Variants in NHSL2 observed in about 807,000 individuals in gnomAD.
NHSL2 encodes NHS like 2.
Under a neutral mutation model 53.4 loss-of-function variants are expected in NHSL2, and 27 were observed. The observed-to-expected ratio is 0.51, with a 90% CI of 0.37 to 0.70. The LOEUF is 0.70. Among genes scored for constraint, NHSL2 ranks in the 30% least tolerant of loss-of-function variants. The pLI, the probability that NHSL2 is intolerant of heterozygous loss-of-function variation, is 0.00. For missense variants in NHSL2, 892 were observed against 980.1 expected (o/e 0.91, Z 1.20); for synonymous variants, 408 against 404.1 (o/e 1.01, Z -0.12).
At chrX:71,949,281 G>A (rs1302076794) in intron 1 of NHSL2, among the ~76,000 whole-genome samples, 3 of 111,169 alleles carry the variant, frequency 2.7e-5, no homozygotes, top group Non-Finnish European at 5.7e-5. Context: ...TGATAGAGAG[G>A]AACCTGGGCT....
At chrX:72,125,291 A>G (rs1387366190) in intron 1 of NHSL2, among the ~76,000 whole-genome samples, 1 of 111,792 alleles carries the variant, frequency 8.9e-6, no homozygotes, top group Non-Finnish European at 1.9e-5. Flanking sequence ...ACATTAGAGG[A>G]CATCTTCTAG....
chrX:71,958,574 T>C (rs770816697), intron 1 of NHSL2, among the ~76,000 whole-genome samples: 13 of 111,663 alleles, frequency 1.2e-4, no homozygotes, highest in Non-Finnish European at 1.7e-4. Flanking sequence ...AGATTGTTCA[T>C]TGGGCTGCCC....
chrX:71,983,940 C>T (rs923339121), intron 1 of NHSL2, among the ~76,000 whole-genome samples: 2 of 111,059 alleles, frequency 1.8e-5, no homozygotes, highest in African/African-American at 6.6e-5. Context: ...TATCTTGTGC[C>T]GACCCCCTAT....
At chrX:72,080,907 A>T (rs888979342) in intron 1 of NHSL2, among the ~76,000 whole-genome samples, 1 of 111,652 alleles carries the variant, frequency 9.0e-6, no homozygotes, top group Non-Finnish European at 1.9e-5. Context: ...AAGCAAGTAC[A>T]GGGCCCTGTG....
intron 1 of NHSL2, among the ~76,000 whole-genome samples, chrX:71,961,362 C>T (rs1032402268): frequency 9.2e-6 from 1 of 108,873 alleles, no homozygotes; most frequent in Non-Finnish European, 1.9e-5. Flanking sequence ...TGAATTTTTC[C>T]TTCCTTCTGT....
At chrX:72,129,389 T>G (rs755402890) in intron 1 of NHSL2, 45 of 127,043 alleles carry the variant, frequency 3.5e-4, no homozygotes, top group Non-Finnish European at 6.7e-4. Context: ...CCTGTCCTCT[T>G]GCTCATTGGG....
intron 1 of NHSL2, among the ~76,000 whole-genome samples, chrX:71,982,442 C>T (rs752321363): frequency 1.8e-5 from 2 of 111,826 alleles, no homozygotes; most frequent in South Asian, 3.8e-4. Context: ...CTTGGAGTCT[C>T]CAAAGTGATG....
intron 3 of NHSL2, 112 bp downstream of exon 3, chrX:72,134,330 C>A: frequency 1.1e-6 from 1 of 922,846 alleles, no homozygotes; most frequent in Non-Finnish European, 1.5e-6. Flanking sequence ...ACCAGCAGAG[C>A]TACCCTGAGG....
At chrX:71,935,579 C>T (rs1440578261) in intron 1 of NHSL2, among the ~76,000 whole-genome samples, 1 of 112,683 alleles carries the variant, frequency 8.9e-6, no homozygotes, top group African/African-American at 3.2e-5. Context: ...CAGGCGGAGT[C>T]GGTTCTGAGG....
intron 1 of NHSL2, among the ~76,000 whole-genome samples, chrX:71,972,393 T>A (rs1478624885): frequency 8.9e-6 from 1 of 112,598 alleles, no homozygotes; most frequent in Non-Finnish European, 1.9e-5. Flanking sequence ...ACAGTTTGTC[T>A]GTTTGTTTGT....
At chrX:71,963,802 A>C (rs1051653809) in intron 1 of NHSL2, among the ~76,000 whole-genome samples, 1 of 103,453 alleles carries the variant, frequency 9.7e-6, no homozygotes, top group Non-Finnish European at 2.0e-5. Flanking sequence ...ACACTCCTAT[A>C]GTCCAAGCTA....
chrX:72,046,336 T>A (rs2042305754), intron 1 of NHSL2, among the ~76,000 whole-genome samples: 1 of 111,945 alleles, frequency 8.9e-6, no homozygotes, highest in South Asian at 3.7e-4. Flanking sequence ...CAGCTCCATA[T>A]ACTGAGTAGA....
At position 72,138,626 on chromosome X, in the gene NHSL2, A is replaced by G. The variant is rs2042380682; in HGVS notation, c.1078A>G (p.Ser360Gly). 1 of 1,167,617 alleles carries G rather than the reference A, an allele frequency of 8.6e-7. No individual in the cohort carries two copies. The highest frequency in any genetic ancestry group is 2.6e-5 in the Admixed American group (1 of 38,898). ...SEPDEPHQAR[S>G]GPNPPGMESM... ...GCCGGACGAACCTCACCAGGCACGG[A>G]GTGGCCCAAACCCTCCTGGCATGGA... The change falls in exon 6 of 8, where the codon AGT becomes GGT. Residue 360 changes from serine (S) to glycine (G), a missense_variant. By Grantham distance (56) the Ser-to-Gly change is moderately conservative (BLOSUM62 0). Transcript: ENST00000633930.
At chrX:71,963,978 T>C (rs56087508) in intron 1 of NHSL2, among the ~76,000 whole-genome samples, 22 of 42,114 alleles carry the variant, frequency 5.2e-4, no homozygotes, top group African/African-American at 1.1e-3. Context: ...TATATACATA[T>C]ATATATATAT....
At chrX:72,143,144 G>T in intron 7 of NHSL2, 109 bp from the exon 8 acceptor site, 1 of 525,850 alleles carries the variant, frequency 1.9e-6, no homozygotes. Context: ...GGTCAATACG[G>T]CTGCTTGCAG....
At chrX:72,093,717 GCTTGCTTTCTTTCTTT>G (rs1294670003) in intron 1 of NHSL2, among the ~76,000 whole-genome samples, 170 of 78,683 alleles carry the variant, frequency 2.2e-3, no homozygotes, top group African/African-American at 7.5e-3. Context: ...AGTATAGCTT[GCTTGCTTTCTTTCTTT>G]CTTTCTTTCT....
At chrX:72,086,886 G>C (rs557848507) in intron 1 of NHSL2, among the ~76,000 whole-genome samples, 1 of 111,118 alleles carries the variant, frequency 9.0e-6, no homozygotes, top group Non-Finnish European at 1.9e-5. Flanking sequence ...GTTAAACATA[G>C]AATTACCATA....
At chrX:71,957,368 G>C (rs921552202) in intron 1 of NHSL2, among the ~76,000 whole-genome samples, 1 of 112,402 alleles carries the variant, frequency 8.9e-6, no homozygotes, top group African/African-American at 3.2e-5. Flanking sequence ...CCGGGTTCAC[G>C]CCATTCTCCT....
At chrX:72,038,565 T>A (rs1445585417) in intron 1 of NHSL2, among the ~76,000 whole-genome samples, 1 of 112,208 alleles carries the variant, frequency 8.9e-6, no homozygotes, top group Admixed American at 9.4e-5. Flanking sequence ...TATTTATATT[T>A]TACCACATAC....
Sources: gnomAD v4.1 joint callset for allele counts (sites outside exome capture counted in the v4.1 genomes callset) on GRCh38, gnomAD v4.1.1 for gene constraint, MANE v1.5 for transcripts, NCBI Gene and HGNC (gene_info 2026-07-23, HGNC 2026-07-21) for gene names.